Variants in ARMC1 observed in about 807,000 individuals in gnomAD.
The protein encoded by ARMC1 is armadillo repeat containing 1, also known as armadillo repeat-containing protein 1.
ARMC1 carries 16 observed loss-of-function variants against 31.4 expected under a neutral mutation model. That is an observed-to-expected ratio of 0.51 (90% confidence interval 0.34 to 0.77). ARMC1 has a LOEUF of 0.77. ARMC1 is among the 30% of genes least tolerant of loss of function. The probability of loss-of-function intolerance (pLI) is 0.01; values close to 1 mark genes in which losing one functional copy is unlikely to be tolerated. For missense variants in ARMC1, 259 were observed against 347.5 expected, an observed-to-expected ratio of 0.75 and a Z score of 2.02; for synonymous variants, 114 against 118.9, an observed-to-expected ratio of 0.96 and a Z score of 0.27.
intron 3 of ARMC1, among the ~76,000 whole-genome samples, chr8:65,614,342 A>G (rs2129041957): frequency 6.6e-6 from 1 of 152,328 alleles, no homozygotes; most frequent in East Asian, 1.9e-4. Context: ...TCTTTCTGCA[A>G]TGATAGAAAT....
intron 4 of ARMC1, among the ~76,000 whole-genome samples, chr8:65,607,158 G>A (rs1335830345): frequency 2.0e-5 from 3 of 152,230 alleles, no homozygotes; most frequent in Non-Finnish European, 4.4e-5. Context: ...CGTGGGACAC[G>A]TCAGTCTGTG....
chr8:65,621,483 C>G (rs552554227), intron 3 of ARMC1, among the ~76,000 whole-genome samples: 1 of 152,250 alleles, frequency 6.6e-6, no homozygotes, highest in South Asian at 2.1e-4. Flanking sequence ...AAAGCAGTTA[C>G]AGATGAGAGA....
rs548584835 is a variant in ARMC1, at chr8:65,616,456, G to A, written c.276-3023C>T. On this transcript the variant is annotated intron_variant, in intron 3 of 6. Coordinates refer to ENST00000276569, the MANE Select transcript of ARMC1 (RefSeq NM_018120.6). ...AGTGCTCAATGGTGCCCAGGCTGGA[G>A]TGCAGTGGCGTAATCTCGGCTGGCT... Among the ~76,000 whole-genome samples the A allele has an allele frequency of 1.1e-4, 16 of 152,370 alleles. No homozygotes were observed. In the East Asian group the frequency reaches 2.5e-3, roughly 24 times the overall value.
chr8:65,623,332 C>T (rs1438418470), intron 2 of ARMC1, among the ~76,000 whole-genome samples: 2 of 62,216 alleles, frequency 3.2e-5, no homozygotes, highest in Non-Finnish European at 6.4e-5. Flanking sequence ...AAATGCTGGG[C>T]GCTGAGTGGC....
At chr8:65,607,039 A>T (rs1808019774) in intron 4 of ARMC1, among the ~76,000 whole-genome samples, 2 of 152,248 alleles carry the variant, frequency 1.3e-5, no homozygotes, top group South Asian at 4.1e-4. Flanking sequence ...CCACGTGCCA[A>T]ATCTGTAGAC....
chr8:65,614,055 T>G (rs972823232), intron 3 of ARMC1, among the ~76,000 whole-genome samples: 18 of 152,100 alleles, frequency 1.2e-4, no homozygotes, highest in Non-Finnish European at 2.4e-4. Context: ...ATCACTAACA[T>G]TCAACTCTCA....
rs1457420934 is a variant in ARMC1, at chr8:65,621,154, A to C, written c.275+1109T>G. 3.2e-4 allele frequency among the ~76,000 whole-genome samples: 49 copies of C among 152,190 alleles called. 1 individual carries two copies. The highest frequency in any genetic ancestry group is 3.1e-3 in the Admixed American group (48 of 15,266). Reference sequence around the variant, plus strand: ...GAGTTATTATTTTCTCAATTACTCCAAGGATAGTATAGAGCTGAAACCATT... The same window carrying C: ...GAGTTATTATTTTCTCAATTACTCCCAGGATAGTATAGAGCTGAAACCATT... On this transcript the variant is annotated intron_variant, in intron 3 of 6. Transcript: ENST00000276569.
Position 65,613,322 on chromosome 8 carries a change from C to T in ARMC1, c.387G>A (p.Arg129=). The change falls in exon 4 of 7, where the codon AGG becomes AGA. Residue 129 remains arginine (R), a synonymous_variant. Coordinates refer to ENST00000276569, the MANE Select transcript of ARMC1 (RefSeq NM_018120.6). The part of the protein sequence containing the change: ...DSFNEMNSRR[R]KAQFFLGTTN... The stretch of plus-strand genomic sequence containing the variant: ...TAGTTCCCAGAAAAAATTGAGCTTT[C>T]CTTCGACGTGAATTCATCTCATTAA... 6.2e-7 allele frequency: 1 copy of T among 1,612,712 alleles called. No individual in the cohort carries two copies. Among genetic ancestry groups the T allele is most frequent in the Non-Finnish European group, 8.5e-7 (1 of 1,179,552 alleles).
intron 3 of ARMC1, among the ~76,000 whole-genome samples, chr8:65,617,187 A>G (rs1414499916): frequency 6.6e-6 from 1 of 152,150 alleles, no homozygotes; most frequent in Non-Finnish European, 1.5e-5. Flanking sequence ...GAAAAGGGGG[A>G]ATGTGGGGAA....
chr8:65,616,625 G>C (rs1249785859), intron 3 of ARMC1, among the ~76,000 whole-genome samples: 29 of 146,248 alleles, frequency 2.0e-4, no homozygotes, highest in African/African-American at 7.4e-4. Context: ...GCCTCTGCCC[G>C]GCTGCCCAGT....
Position 65,613,452 on chromosome 8 carries a change from T to C in ARMC1, c.276-19A>G, listed in dbSNP as rs766423634. 46 of 1,529,362 alleles carry C rather than the reference T, an allele frequency of 3.0e-5. No individual in the cohort carries two copies. The South Asian group carries it at 5.1e-4, about 17-fold the overall frequency. 94.7% of individuals were successfully genotyped at this position (1,529,362 alleles called of 1,614,324 possible). On this transcript the variant is annotated intron_variant, in intron 3 of 6. Coordinates refer to ENST00000276569, the MANE Select transcript of ARMC1 (RefSeq NM_018120.6). Reference sequence around the variant, plus strand: ...TGTAGTTCTTGAAAAGAAACACATATATAATTAGTCTTGTCACTTCTACTG... The same window carrying C: ...TGTAGTTCTTGAAAAGAAACACATACATAATTAGTCTTGTCACTTCTACTG...
At chr8:65,628,537 GT>G (rs1808565120) in intron 1 of ARMC1, among the ~76,000 whole-genome samples, 1 of 149,034 alleles carries the variant, frequency 6.7e-6, no homozygotes, top group Non-Finnish European at 1.5e-5. Context: ...ATGAGCCACC[GT>G]GTCCAGCCTC....
intron 2 of ARMC1, among the ~76,000 whole-genome samples, chr8:65,626,122 C>T (rs1286995524): frequency 6.6e-6 from 1 of 152,100 alleles, no homozygotes; most frequent in Non-Finnish European, 1.5e-5. Flanking sequence ...AACTCCTGAC[C>T]TCAGGTGATC....
chr8:65,628,253 TTTTG>T (rs1027814338), intron 1 of ARMC1, among the ~76,000 whole-genome samples: 2 of 151,896 alleles, frequency 1.3e-5, no homozygotes, highest in Non-Finnish European at 2.9e-5. Context: ...TCCTTGTTTG[TTTTG>T]TTTGTTTTCT....
In ARMC1 at chr8:65,602,731, G is replaced by A. The variant is rs912188797; in HGVS notation, c.*1663C>T. ...GCTTTAATGGCTATAGAAAGAAGGT[G>A]GTTTTATTTTCTTTTTTAAACACAT... On this transcript the variant is annotated 3_prime_UTR_variant, in exon 7 of 7. Transcript: ENST00000276569. The A allele has an allele frequency of 1.3e-5, 2 of 151,308 alleles. No individual in the cohort carries two copies. Among genetic ancestry groups the A allele is most frequent in the African/African-American group, 4.8e-5 (2 of 41,244 alleles). The allele number at this position is 151,308 out of a possible 1,614,324, so 9.4% of individuals were successfully genotyped here.
chr8:65,629,508 T>C (rs1808590194), intron 1 of ARMC1, among the ~76,000 whole-genome samples: 1 of 152,018 alleles, frequency 6.6e-6, no homozygotes, highest in Admixed American at 6.6e-5. Context: ...TAGTTAATAA[T>C]AGTGTATTCC....
intron 1 of ARMC1, among the ~76,000 whole-genome samples, chr8:65,630,624 G>A (rs1808622322): frequency 6.6e-6 from 1 of 152,164 alleles, no homozygotes; most frequent in African/African-American, 2.4e-5. Flanking sequence ...TTTGCGACCA[G>A]CCTGGCCAGC....
intron 2 of ARMC1, among the ~76,000 whole-genome samples, chr8:65,622,982 G>C: frequency 6.7e-6 from 1 of 149,810 alleles, no homozygotes; most frequent in African/African-American, 2.5e-5. Flanking sequence ...CTCCAGCATG[G>C]CAACAGCGAG....
At chr8:65,614,606 C>T (rs1808212228) in intron 3 of ARMC1, among the ~76,000 whole-genome samples, 1 of 152,180 alleles carries the variant, frequency 6.6e-6, no homozygotes, top group African/African-American at 2.4e-5. Context: ...CTTTAATGTA[C>T]ACTCAAGGCC....
Sources: allele counts gnomAD v4.1 joint callset (sites outside exome capture counted in the v4.1 genomes callset), GRCh38; gene constraint gnomAD v4.1.1; transcripts MANE v1.5; gene names NCBI Gene and HGNC (gene_info 2026-07-23, HGNC 2026-07-21).